CNTNAP3B: variants seen among roughly 807,000 people sequenced by gnomAD.
CNTNAP3B encodes the protein contactin associated protein family member 3B.
A neutral mutation model predicts 108.9 loss-of-function variants in CNTNAP3B; 25 were observed. That is an observed-to-expected ratio of 0.23 (90% CI 0.17 to 0.32). The LOEUF (loss-of-function observed/expected upper bound fraction) is 0.32. Ranked by LOEUF, CNTNAP3B falls within the 10% of genes least tolerant of loss-of-function variation. The pLI, the probability that CNTNAP3B is intolerant of heterozygous loss-of-function variation, is 1.00. For synonymous variants in CNTNAP3B, 103 were observed against 473.4 expected, an observed-to-expected ratio of 0.22 and a Z score of 10.16; for missense variants, 252 against 1,210.4, an observed-to-expected ratio of 0.21 and a Z score of 11.75.
intron 1 of CNTNAP3B, among the ~76,000 whole-genome samples, chr9:42,114,862 T>TC (rs1828277540): frequency 7.4e-6 from 1 of 136,046 alleles, no homozygotes; most frequent in Non-Finnish European, 1.6e-5. Flanking sequence ...GAGACGAGCC[T>TC]GGCCAACATG....
In CNTNAP3B at chr9:42,110,155, AC is replaced by A. The variant is rs1476118839; in HGVS notation, c.86-5417del. ...CACAAGGGCCATAGGAAATGAACACACTTTATATGGAATTACATATTGGATA... is the reference window on the plus strand; with the variant it reads ...CACAAGGGCCATAGGAAATGAACACATTTATATGGAATTACATATTGGATA... On this transcript the variant is annotated intron_variant, in intron 1 of 23. Coordinates refer to ENST00000377561, the MANE Select transcript of CNTNAP3B (RefSeq NM_001201380.3). 5.3e-5 allele frequency among the ~76,000 whole-genome samples: 5 copies of A among 95,214 alleles called. 1 individual carries two copies. Among genetic ancestry groups the A allele is most frequent in the Non-Finnish European group, 9.0e-5 (4 of 44,616 alleles). The allele number at this position is 95,214 out of a possible 152,430, so 62.5% of individuals were successfully genotyped here.
At position 42,097,514 on chromosome 9, in the gene CNTNAP3B, T is replaced by A; in HGVS notation, c.196+7115A>T. On this transcript the variant is annotated intron_variant, in intron 2 of 23. Coordinates refer to ENST00000377561, the MANE Select transcript of CNTNAP3B (RefSeq NM_001201380.3). ...CAAAGAACCATTTAGAGTCACTGAT[T>A]CATTTCCATAAAGCAGGAACTTTCC... 1.4e-5 allele frequency among the ~76,000 whole-genome samples: 2 copies of A among 140,170 alleles called. 1 individual carries two copies. The highest frequency in any genetic ancestry group is 1.4e-4 in the Admixed American group (2 of 14,102). 92.0% of individuals were successfully genotyped at this position (140,170 alleles called of 152,430 possible). A position where few individuals can be genotyped will look rare whatever the true frequency, so the allele number is the denominator to read the frequency against.
At chr9:42,085,874 A>G (rs1340494791) in intron 2 of CNTNAP3B, among the ~76,000 whole-genome samples, 1 of 144,712 alleles carries the variant, frequency 6.9e-6, no homozygotes, top group African/African-American at 2.7e-5. Flanking sequence ...TAAAGAAATC[A>G]TGGCCTATCA....
At chr9:41,958,666 G>T (rs1824955371) in intron 12 of CNTNAP3B, among the ~76,000 whole-genome samples, 1 of 151,694 alleles carries the variant, frequency 6.6e-6, no homozygotes, top group South Asian at 2.1e-4. Context: ...CCAGAGGTGG[G>T]TAATTTCCTT....
intron 3 of CNTNAP3B, among the ~76,000 whole-genome samples, chr9:42,029,042 GC>G (rs1826464833): frequency 1.4e-5 from 2 of 147,262 alleles, no homozygotes; most frequent in East Asian, 4.0e-4. Context: ...TAAATGTTGA[GC>G]TGGAGAGAAA....
chr9:41,957,355 G>A (rs1426584975), intron 12 of CNTNAP3B, among the ~76,000 whole-genome samples: 230 of 33,050 alleles, frequency 7.0e-3, no homozygotes, highest in East Asian at 0.039. Context: ...CTCTTTACAC[G>A]TATGTTACAC....
At chr9:41,920,993 C>A (rs1416462603) in intron 17 of CNTNAP3B, among the ~76,000 whole-genome samples, 2 of 152,302 alleles carry the variant, frequency 1.3e-5, no homozygotes, top group East Asian at 1.9e-4. Flanking sequence ...TGTGTAGTGA[C>A]AAACACCATT....
chr9:42,116,113 G>A (rs1214696344), intron 1 of CNTNAP3B, among the ~76,000 whole-genome samples: 1 of 139,130 alleles, frequency 7.2e-6, no homozygotes, highest in Non-Finnish European at 1.5e-5. Flanking sequence ...TGGAAGAAAG[G>A]GTATCAGTGA....
chr9:41,973,094 T>A (rs1258864988), intron 9 of CNTNAP3B, among the ~76,000 whole-genome samples: 1 of 138,984 alleles, frequency 7.2e-6, no homozygotes, highest in Non-Finnish European at 1.5e-5. Context: ...CGCACCACCA[T>A]GCCCTGCTAA....
intron 4 of CNTNAP3B, among the ~76,000 whole-genome samples, chr9:41,999,303 T>C (rs1481648899): frequency 2.0e-4 from 2 of 10,048 alleles, no homozygotes; most frequent in East Asian, 7.9e-3. Flanking sequence ...GTAACCAATA[T>C]TAAATCAGTA....
At chr9:42,121,893 G>A (rs1387135310) in intron 1 of CNTNAP3B, among the ~76,000 whole-genome samples, 1 of 140,274 alleles carries the variant, frequency 7.1e-6, no homozygotes, top group Non-Finnish European at 1.5e-5. Context: ...CATGGTTGCG[G>A]CAGAAGACTC....
intron 13 of CNTNAP3B, among the ~76,000 whole-genome samples, chr9:41,943,237 T>C (rs1378557888): frequency 2.0e-5 from 3 of 152,276 alleles, no homozygotes; most frequent in African/African-American, 7.2e-5. Context: ...TGGGAAGTGC[T>C]GAGGAAAGAA....
rs1382502749 is a variant in CNTNAP3B, at chr9:42,117,059, T to C, written c.85+11951A>G. ...AGAGGTGTACAAACAGACTTAGACTTCCACACAATAATAATGGGAGATTTT... is the reference window on the plus strand; with the variant it reads ...AGAGGTGTACAAACAGACTTAGACTCCCACACAATAATAATGGGAGATTTT... On this transcript the variant is annotated intron_variant, in intron 1 of 23. Coordinates refer to ENST00000377561, the MANE Select transcript of CNTNAP3B (RefSeq NM_001201380.3). Among the ~76,000 whole-genome samples, 3 of 138,294 alleles carry C rather than the reference T, an allele frequency of 2.2e-5. 1 individual carries two copies. The highest frequency in any genetic ancestry group is 4.6e-5 in the Non-Finnish European group (3 of 64,690). 90.7% of individuals were successfully genotyped at this position (138,294 alleles called of 152,430 possible).
chr9:42,012,886 G>T (rs570098891), intron 4 of CNTNAP3B, among the ~76,000 whole-genome samples: 2 of 95,682 alleles, frequency 2.1e-5, no homozygotes, highest in African/African-American at 7.9e-5. Context: ...CTAAACACAG[G>T]TTCCCACCAA....
At chr9:41,941,609 A>G (rs1289807458) in intron 13 of CNTNAP3B, among the ~76,000 whole-genome samples, 1 of 124,924 alleles carries the variant, frequency 8.0e-6, no homozygotes, top group Non-Finnish European at 1.7e-5. Flanking sequence ...CAACAAGAAA[A>G]AAGCTGCACT....
intron 3 of CNTNAP3B, among the ~76,000 whole-genome samples, chr9:42,055,197 A>G (rs1417642613): frequency 7.2e-6 from 1 of 138,534 alleles, no homozygotes; most frequent in African/African-American, 2.9e-5. Context: ...ATCTACATCC[A>G]TTTTATATTT....
intron 1 of CNTNAP3B, among the ~76,000 whole-genome samples, chr9:42,120,975 A>T (rs1469239413): frequency 1.4e-5 from 2 of 138,694 alleles, no homozygotes; most frequent in Admixed American, 1.4e-4. Flanking sequence ...GTATAATAAT[A>T]ATAAAATAAT....
intron 2 of CNTNAP3B, among the ~76,000 whole-genome samples, chr9:42,086,431 C>T (rs917546901): frequency 7.9e-5 from 10 of 125,792 alleles, no homozygotes; most frequent in African/African-American, 2.5e-4. Flanking sequence ...TTTGCATTTA[C>T]TTTTTTTTTT....
intron 4 of CNTNAP3B, among the ~76,000 whole-genome samples, chr9:42,003,505 C>A (rs1368558154): frequency 8.0e-5 from 8 of 100,258 alleles, no homozygotes; most frequent in African/African-American, 2.3e-4. Context: ...AGAACGTGAG[C>A]CTCAACCAGA....
Sources: gnomAD v4.1 joint callset for allele counts (sites outside exome capture counted in the v4.1 genomes callset) on GRCh38, gnomAD v4.1.1 for gene constraint, MANE v1.5 for transcripts, NCBI Gene and HGNC (gene_info 2026-07-23, HGNC 2026-07-21) for gene names.